GSE1: variants seen among roughly 807,000 people sequenced by gnomAD.
The protein encoded by GSE1 is genetic suppressor element 1.
GSE1 carries 32 observed loss-of-function variants against 112.6 expected under a neutral mutation model. That is an observed-to-expected ratio of 0.28 (90% confidence interval 0.21 to 0.38). The LOEUF (loss-of-function observed/expected upper bound fraction) is 0.38, where lower values mean the gene tolerates loss of function less well. GSE1 is among the 10% of genes least tolerant of loss of function. The probability of loss-of-function intolerance (pLI) is 1.00; values close to 1 mark genes in which losing one functional copy is unlikely to be tolerated. For synonymous variants in GSE1, 1,115 were observed against 735.6 expected (o/e 1.52, Z -8.35); for missense variants, 2,348 against 1,699.2 (o/e 1.38, Z -6.71).
At chr16:85,635,512 G>A (rs1035984636) in intron 2 of GSE1, among the ~76,000 whole-genome samples, 5 of 152,186 alleles carry the variant, frequency 3.3e-5, no homozygotes, top group Admixed American at 1.3e-4. Flanking sequence ...TGGACTCTCT[G>A]GGGCGGTGAA....
At chr16:85,452,197 C>G (rs898521682) in intron 2 of GSE1, among the ~76,000 whole-genome samples, 2 of 152,214 alleles carry the variant, frequency 1.3e-5, no homozygotes, top group Admixed American at 1.3e-4. Flanking sequence ...CGCAATTAAG[C>G]CGATTATGTT....
intron 2 of GSE1, among the ~76,000 whole-genome samples, chr16:85,495,845 A>C (rs1244485962): frequency 6.6e-6 from 1 of 152,066 alleles, no homozygotes; most frequent in East Asian, 1.9e-4. Flanking sequence ...AGGCCTAATC[A>C]AGGCCTCCAG....
intron 2 of GSE1, among the ~76,000 whole-genome samples, chr16:85,510,744 G>A (rs756849207): frequency 5.9e-5 from 9 of 152,098 alleles, no homozygotes; most frequent in Non-Finnish European, 1.0e-4. Context: ...AGAGCCCCCC[G>A]CGACCCCTGC....
At chr16:85,198,398 G>C (rs993556774) in intron 1 of GSE1, among the ~76,000 whole-genome samples, 1 of 152,360 alleles carries the variant, frequency 6.6e-6, no homozygotes, top group African/African-American at 2.4e-5. Flanking sequence ...GGCCAGGCTT[G>C]TCCTTGGACA....
chr16:85,337,997 C>T (rs573246449), intron 1 of GSE1, among the ~76,000 whole-genome samples: 2 of 152,350 alleles, frequency 1.3e-5, no homozygotes, highest in East Asian at 3.9e-4. Flanking sequence ...GTGCTGGGAA[C>T]ACCCCTGGGC....
At chr16:85,182,168 C>T (rs893096785) in intron 1 of GSE1, among the ~76,000 whole-genome samples, 1 of 152,292 alleles carries the variant, frequency 6.6e-6, no homozygotes. Flanking sequence ...CCTCCCCGCC[C>T]CCCGCTGCCA....
At chr16:85,607,207 G>A (rs1408399003), upstream of GSE1, among the ~76,000 whole-genome samples, 1 of 152,156 alleles carries the variant, frequency 6.6e-6, no homozygotes, top group African/African-American at 2.4e-5. Context: ...TAGAGTGGGT[G>A]CCTCTCCAGA....
At chr16:85,422,451 G>T (rs2048869458) in intron 2 of GSE1, among the ~76,000 whole-genome samples, 1 of 152,138 alleles carries the variant, frequency 6.6e-6, no homozygotes, top group South Asian at 2.1e-4. Flanking sequence ...AGAAGCCTGG[G>T]GCCCACGCGG....
At chr16:85,567,710 G>C (rs1169384431) in intron 1 of GSE1, among the ~76,000 whole-genome samples, 1 of 152,308 alleles carries the variant, frequency 6.6e-6, no homozygotes, top group East Asian at 1.9e-4. Context: ...CAACTGGAGG[G>C]GAGTTAGGCT....
chr16:85,668,687 G>A (rs1296994931), intron 14 of GSE1, among the ~76,000 whole-genome samples: 1 of 152,234 alleles, frequency 6.6e-6, no homozygotes, highest in African/African-American at 2.4e-5. Flanking sequence ...TGTGGGCCCT[G>A]CTCTGTGGGC....
chr16:85,670,636 A>G (rs1457450085), intron 14 of GSE1: 2 of 158,308 alleles, frequency 1.3e-5, no homozygotes, highest in Non-Finnish European at 2.8e-5. Context: ...TATTAATTAA[A>G]TCTGTGCTTT....
intron 2 of GSE1, among the ~76,000 whole-genome samples, chr16:85,454,015 C>A (rs1280404875): frequency 6.6e-6 from 1 of 152,176 alleles, no homozygotes; most frequent in Admixed American, 6.5e-5. Context: ...CCACCCCCGC[C>A]CCCTGCCCCA....
chr16:85,575,837 G>A (rs1328935986), intron 1 of GSE1, among the ~76,000 whole-genome samples: 5 of 150,818 alleles, frequency 3.3e-5, no homozygotes. Flanking sequence ...TCTTTTTATG[G>A]TTATATTTGT....
At chr16:85,621,666 G>C (rs2048751764) in intron 1 of GSE1, among the ~76,000 whole-genome samples, 1 of 152,188 alleles carries the variant, frequency 6.6e-6, no homozygotes, top group Admixed American at 6.5e-5. Flanking sequence ...TCCACTAACA[G>C]CAGGACTGTG....
chr16:85,292,225 G>A (rs569221913), intron 1 of GSE1, among the ~76,000 whole-genome samples: 4 of 150,140 alleles, frequency 2.7e-5, no homozygotes, highest in South Asian at 4.2e-4. Flanking sequence ...TGCATCCTCC[G>A]CCTCCTGGGT....
At chr16:85,470,193 A>G (rs1030901615) in intron 2 of GSE1, among the ~76,000 whole-genome samples, 3 of 152,360 alleles carry the variant, frequency 2.0e-5, no homozygotes, top group Admixed American at 6.5e-5. Flanking sequence ...TGCTGTGCCC[A>G]CGGCACCCAG....
intron 1 of GSE1, among the ~76,000 whole-genome samples, chr16:85,576,651 A>AT (rs959346047): frequency 6.6e-6 from 1 of 152,168 alleles, no homozygotes; most frequent in African/African-American, 2.4e-5. Context: ...ATTACGGGGC[A>AT]TTTTTTGAAG....
At chr16:85,200,954 G>A (rs1269258690) in intron 1 of GSE1, among the ~76,000 whole-genome samples, 1 of 152,140 alleles carries the variant, frequency 6.6e-6, no homozygotes, top group Non-Finnish European at 1.5e-5. Flanking sequence ...GAGACGAACT[G>A]ACCCTGGTGG....
At position 85,394,497 on chromosome 16, in the gene GSE1, C is replaced by A. The variant is rs568944361; in HGVS notation, c.2464+36854C>A. Among the ~76,000 whole-genome samples, 9 of 152,218 alleles carry A rather than the reference C, an allele frequency of 5.9e-5. No individual in the cohort carries two copies. The South Asian group carries it at 1.9e-3, about 32-fold the overall frequency. Reference sequence around the variant, plus strand: ...TGATTTGGGTGGTTCCTCGGATGAGCGGCTTGAGGGGGCTCTGCTTTATGT... The same window carrying A: ...TGATTTGGGTGGTTCCTCGGATGAGAGGCTTGAGGGGGCTCTGCTTTATGT... On this transcript the variant is annotated intron_variant, in intron 2 of 2. Transcript: ENST00000637419.
Sources: allele counts gnomAD v4.1 joint callset (sites outside exome capture counted in the v4.1 genomes callset), GRCh38; gene constraint gnomAD v4.1.1; transcripts MANE v1.5; gene names NCBI Gene and HGNC (gene_info 2026-07-23, HGNC 2026-07-21).